The following RUNDC3B variants were observed in gnomAD, a reference collection of about 807,000 sequenced individuals.
RUNDC3B encodes the protein RUN domain containing 3B, also known as RUN domain-containing protein 3B.
RUNDC3B carries 33 observed loss-of-function variants against 58.4 expected under a neutral mutation model. The ratio of observed to expected loss-of-function variants is 0.56; its 90% CI spans 0.43 to 0.75. The LOEUF is 0.75. RUNDC3B is among the 30% of genes least tolerant of loss of function. The pLI is 0.00. For synonymous variants in RUNDC3B, 193 were observed against 195.2 expected (o/e 0.99, Z 0.10); for missense variants, 501 against 535.7 (o/e 0.94, Z 0.64).
intron 4 of RUNDC3B, among the ~76,000 whole-genome samples, chr7:87,716,310 TAAAA>T (rs1830552412): frequency 6.6e-6 from 1 of 152,136 alleles, no homozygotes; most frequent in Admixed American, 6.6e-5. Flanking sequence ...AGTTACCAAA[TAAAA>T]AGAGGAGCAA....
At chr7:87,666,134 C>A (rs1283221730) in intron 2 of RUNDC3B, among the ~76,000 whole-genome samples, 3 of 152,112 alleles carry the variant, frequency 2.0e-5, no homozygotes, top group Non-Finnish European at 2.9e-5. Flanking sequence ...CTTTTCTCTG[C>A]AACATCTCCA....
At chr7:87,693,658 A>G (rs936134054) in intron 2 of RUNDC3B, among the ~76,000 whole-genome samples, 30 of 152,188 alleles carry the variant, frequency 2.0e-4, no homozygotes, top group African/African-American at 6.5e-4. Context: ...ATTTCTGCTC[A>G]CATATTTTTG....
At chr7:87,750,328 G>A (rs1325840360) in intron 6 of RUNDC3B, among the ~76,000 whole-genome samples, 26 of 151,480 alleles carry the variant, frequency 1.7e-4, no homozygotes, top group African/African-American at 5.8e-4. Flanking sequence ...GAATAATGCC[G>A]CAATAAACAT....
chr7:87,793,047 C>A (rs1835613454), intron 8 of RUNDC3B, among the ~76,000 whole-genome samples: 1 of 151,990 alleles, frequency 6.6e-6, no homozygotes, highest in Non-Finnish European at 1.5e-5. Context: ...TTCAAAGGAT[C>A]ATTAGTGGCT....
At chr7:87,773,424 ATTAAT>A (rs1834409257) in intron 7 of RUNDC3B, among the ~76,000 whole-genome samples, 1 of 152,112 alleles carries the variant, frequency 6.6e-6, no homozygotes, top group Non-Finnish European at 1.5e-5. Flanking sequence ...TGAAGCAAAA[ATTAAT>A]TAAATGTCCA....
At chr7:87,772,213 A>C (rs543779772) in intron 7 of RUNDC3B, among the ~76,000 whole-genome samples, 1 of 152,328 alleles carries the variant, frequency 6.6e-6, no homozygotes, top group Admixed American at 6.5e-5. Context: ...GTAAATTTAT[A>C]TAATTTAATG....
At chr7:87,763,783 T>G (rs1833826891) in intron 6 of RUNDC3B, among the ~76,000 whole-genome samples, 1 of 151,778 alleles carries the variant, frequency 6.6e-6, no homozygotes, top group Admixed American at 6.6e-5. Context: ...GCAAATATTC[T>G]TTGCTATTTG....
chr7:87,684,930 TTCCTTACCTCACA>T lies in RUNDC3B; in HGVS notation c.239-15489_239-15477del, dbSNP rs150672206. ...GTGTGCAAAAAAAAAGTGAACCTTG[TTCCTTACCTCACA>T]TTTAGCTCAAGGTGGGTTATAGGTG... On this transcript the variant is annotated intron_variant, in intron 2 of 10. Coordinates refer to ENST00000394654, the MANE Select transcript of RUNDC3B (RefSeq NM_001134405.2). Among the ~76,000 whole-genome samples, 436 of 152,208 alleles carry T rather than the reference TTCCTTACCTCACA, an allele frequency of 2.9e-3. 4 individuals carry two copies. The highest frequency in any genetic ancestry group is 9.9e-3 in the African/African-American group (413 of 41,556).
At chr7:87,660,370 A>G (rs1585028686) in intron 2 of RUNDC3B, among the ~76,000 whole-genome samples, 2 of 152,142 alleles carry the variant, frequency 1.3e-5, no homozygotes, top group Admixed American at 6.5e-5. Flanking sequence ...TCTATCCCAT[A>G]TACTCTCAAT....
intron 8 of RUNDC3B, among the ~76,000 whole-genome samples, chr7:87,793,944 C>T (rs1055779479): frequency 6.6e-6 from 1 of 152,034 alleles, no homozygotes; most frequent in African/African-American, 2.4e-5. Flanking sequence ...CTAAAGACTC[C>T]ACCAAAAAAC....
At chr7:87,822,009 A>T (rs1195366071) in intron 10 of RUNDC3B, among the ~76,000 whole-genome samples, 1 of 144,294 alleles carries the variant, frequency 6.9e-6, no homozygotes, top group Non-Finnish European at 1.5e-5. Context: ...AAACACCAAA[A>T]GCAATGGCAA....
At chr7:87,639,145 C>A (rs1233525399) in intron 1 of RUNDC3B, among the ~76,000 whole-genome samples, 2 of 104,488 alleles carry the variant, frequency 1.9e-5, no homozygotes, top group African/African-American at 7.9e-5. Context: ...CAGAGTGAGA[C>A]TCCGTCTCAA....
intron 2 of RUNDC3B, among the ~76,000 whole-genome samples, chr7:87,694,894 T>G (rs1009211617): frequency 6.6e-6 from 1 of 152,146 alleles, no homozygotes; most frequent in Non-Finnish European, 1.5e-5. Flanking sequence ...AAATTAAGAG[T>G]TGACTAATTG....
At chr7:87,642,857 T>G (rs1363580171) in intron 1 of RUNDC3B, among the ~76,000 whole-genome samples, 1 of 152,184 alleles carries the variant, frequency 6.6e-6, no homozygotes, top group Non-Finnish European at 1.5e-5. Context: ...TTAAAATAAA[T>G]TTTGACAGTA....
intron 2 of RUNDC3B, among the ~76,000 whole-genome samples, chr7:87,674,539 C>T (rs1247728069): frequency 6.6e-6 from 1 of 152,004 alleles, no homozygotes; most frequent in Non-Finnish European, 1.5e-5. Context: ...TGACATGTGC[C>T]AGCAAAGCAG....
At chr7:87,697,127 T>C (rs975803343) in intron 2 of RUNDC3B, among the ~76,000 whole-genome samples, 1 of 152,200 alleles carries the variant, frequency 6.6e-6, no homozygotes, top group African/African-American at 2.4e-5. Flanking sequence ...TCCTGGACCC[T>C]TGTACATTTC....
At chr7:87,752,299 G>C (rs1833056811) in intron 6 of RUNDC3B, among the ~76,000 whole-genome samples, 1 of 152,098 alleles carries the variant, frequency 6.6e-6, no homozygotes, top group Non-Finnish European at 1.5e-5. Context: ...GAGGATTTTT[G>C]CATCAATGTT....
chr7:87,799,424 C>G (rs1835999979), intron 8 of RUNDC3B, among the ~76,000 whole-genome samples: 4 of 152,076 alleles, frequency 2.6e-5, no homozygotes, highest in South Asian at 4.1e-4. Flanking sequence ...CTTTCCCTTT[C>G]TTTGACCTTC....
At chr7:87,765,118 G>T (rs958031835) in intron 6 of RUNDC3B, among the ~76,000 whole-genome samples, 2 of 151,640 alleles carry the variant, frequency 1.3e-5, no homozygotes, top group Non-Finnish European at 3.0e-5. Context: ...ATAATCTTTT[G>T]TATTTCTGCA....
Sources: gnomAD v4.1 joint callset for allele counts (sites outside exome capture counted in the v4.1 genomes callset) on GRCh38, gnomAD v4.1.1 for gene constraint, MANE v1.5 for transcripts, NCBI Gene and HGNC (gene_info 2026-07-23, HGNC 2026-07-21) for gene names.